Variants in ANKRD18B observed in about 807,000 individuals in gnomAD.
ANKRD18B encodes ankyrin repeat domain 18B, also known as ankyrin repeat domain-containing protein 18B.
A neutral mutation model predicts 111.8 loss-of-function variants in ANKRD18B; 75 were observed. The ratio of observed to expected loss-of-function variants is 0.67; its 90% CI spans 0.56 to 0.81. The LOEUF is 0.81. ANKRD18B is among the 40% of genes least tolerant of loss of function. ANKRD18B has a pLI of 0.00. For missense variants in ANKRD18B, 1,038 were observed against 1,225.5 expected (o/e 0.85, Z 2.28); for synonymous variants, 356 against 417.3 (o/e 0.85, Z 1.79).
chr9:33,541,032 T>A (rs1761409528), intron 8 of ANKRD18B, 115 bp from the exon 9 acceptor site: 1 of 1,299,026 alleles, frequency 7.7e-7, no homozygotes, highest in South Asian at 1.5e-5. Context: ...AGTGCAAGCT[T>A]CTAATGGGTA....
intron 12 of ANKRD18B, among the ~76,000 whole-genome samples, chr9:33,555,212 T>C (rs578102647): frequency 2.6e-5 from 4 of 152,156 alleles, no homozygotes; most frequent in Admixed American, 1.3e-4. Context: ...AGGGAAAAAC[T>C]GAAACCTACA....
intron 14 of ANKRD18B, among the ~76,000 whole-genome samples, chr9:33,561,442 T>C (rs1828604869): frequency 6.6e-6 from 1 of 152,230 alleles, no homozygotes; most frequent in Non-Finnish European, 1.5e-5. Flanking sequence ...TGTAAGTCCC[T>C]TATCAGATAT....
At chr9:33,552,874 C>T (rs1017790129) in intron 12 of ANKRD18B, among the ~76,000 whole-genome samples, 1 of 152,160 alleles carries the variant, frequency 6.6e-6, no homozygotes, top group Non-Finnish European at 1.5e-5. Context: ...CTTCTAAGTG[C>T]TTCACGTCAG....
At chr9:33,537,905 T>C (rs1280836830) in intron 6 of ANKRD18B, among the ~76,000 whole-genome samples, 1 of 152,212 alleles carries the variant, frequency 6.6e-6, no homozygotes, top group African/African-American at 2.4e-5. Context: ...GAAAAAAATA[T>C]ACTTAGTATT....
chr9:33,564,405 T>C (rs1329029522), intron 14 of ANKRD18B, among the ~76,000 whole-genome samples: 6 of 152,240 alleles, frequency 3.9e-5, no homozygotes, highest in Admixed American at 3.9e-4. Flanking sequence ...GAGTATTCCA[T>C]TGTGTATGTG....
intron 4 of ANKRD18B, 112 bp downstream of exon 4, chr9:33,533,657 G>A (rs1828148776): frequency 1.1e-5 from 15 of 1,412,368 alleles, no homozygotes; most frequent in Non-Finnish European, 1.4e-5. Context: ...ATAATTATTG[G>A]CATATAGTAA....
chr9:33,557,119 AT>A (rs1438136482), intron 13 of ANKRD18B, among the ~76,000 whole-genome samples: 2 of 152,060 alleles, frequency 1.3e-5, no homozygotes, highest in African/African-American at 4.8e-5. Context: ...TGTATCTTTC[AT>A]TTTGTTGACA....
At chr9:33,542,459 T>C (rs1475532787) in intron 9 of ANKRD18B, among the ~76,000 whole-genome samples, 1 of 151,504 alleles carries the variant, frequency 6.6e-6, no homozygotes, top group Middle Eastern at 3.2e-3. Context: ...CGAGACTCAC[T>C]GCAAACTGAA....
At position 33,555,721 on chromosome 9, in the gene ANKRD18B, A is replaced by G. The variant is rs770035920; in HGVS notation, c.2231A>G (p.His744Arg). The change falls in exon 13 of 19, where the codon CAT (histidine) becomes CGT (arginine). Residue 744 changes from histidine to arginine, a missense_variant. Coordinates refer to ENST00000684830, the MANE Select transcript of ANKRD18B (RefSeq NM_001393611.1). ...FQVEIQPEEK[H>R]EEFRKVFELI... Reference sequence around the variant, plus strand: ...CTTTTTTTCAAGCCTGAAGAAAAACATGAAGAATTCAGAAAAGTTTTTGAA... The same window carrying G: ...CTTTTTTTCAAGCCTGAAGAAAAACGTGAAGAATTCAGAAAAGTTTTTGAA... 2.8e-4 allele frequency: 400 copies of G among 1,414,168 alleles called. No homozygotes were observed. The highest frequency in any genetic ancestry group is 3.5e-4 in the Non-Finnish European group (375 of 1,083,164). The allele number at this position is 1,414,168 out of a possible 1,614,324, so 87.6% of individuals were successfully genotyped here. A position where few individuals can be genotyped will look rare whatever the true frequency, so the allele number is the denominator to read the frequency against.
intron 5 of ANKRD18B, among the ~76,000 whole-genome samples, chr9:33,535,009 C>T (rs1828175356): frequency 6.6e-6 from 1 of 151,986 alleles, no homozygotes; most frequent in African/African-American, 2.4e-5. Flanking sequence ...CCTGGGGCTA[C>T]CTCCTATGCC....
intron 14 of ANKRD18B, among the ~76,000 whole-genome samples, chr9:33,565,900 G>A (rs1282351571): frequency 2.6e-5 from 4 of 152,180 alleles, no homozygotes; most frequent in Admixed American, 2.0e-4. Context: ...AGGGAAGAGG[G>A]TTAGACACTT....
In ANKRD18B at chr9:33,560,778, G is replaced by A. The variant is rs1050655739; in HGVS notation, c.2460+2591G>A. 1.4e-4 allele frequency among the ~76,000 whole-genome samples: 22 copies of A among 152,048 alleles called. 1 individual carries two copies. In the East Asian group the frequency reaches 1.9e-3, roughly 13 times the overall value. On this transcript the variant is annotated intron_variant, in intron 14 of 18. Transcript: ENST00000684830. ...GTTCAAGAGCATCCTGGCCAACATG[G>A]TGAAACCCTGTCTCTACTAAAAATA...
intron 10 of ANKRD18B, among the ~76,000 whole-genome samples, chr9:33,543,940 T>A (rs1229344415): frequency 4.6e-5 from 7 of 152,220 alleles, no homozygotes; most frequent in Admixed American, 1.3e-4. Flanking sequence ...CCTATCTAGA[T>A]AACACTATCA....
intron 14 of ANKRD18B, among the ~76,000 whole-genome samples, chr9:33,565,725 A>G (rs1415462031): frequency 6.6e-6 from 1 of 152,224 alleles, no homozygotes; most frequent in East Asian, 1.9e-4. Flanking sequence ...TTTCTGCCAC[A>G]GCCTCCTAAA....
At chr9:33,541,030 C>T in intron 8 of ANKRD18B, 117 bp from the exon 9 acceptor site, 27 of 1,283,776 alleles carry the variant, frequency 2.1e-5, no homozygotes, top group Non-Finnish European at 2.8e-5. Context: ...TGAGTGCAAG[C>T]TTCTAATGGG....
At chr9:33,572,269 C>T in intron 18 of ANKRD18B, 47 bp from the exon 19 acceptor site, 1 of 1,450,194 alleles carries the variant, frequency 6.9e-7, no homozygotes, top group Non-Finnish European at 9.6e-7. Flanking sequence ...ACTTCGTTAA[C>T]TGAAATGTTT....
At chr9:33,543,947 A>G (rs568899633) in intron 10 of ANKRD18B, among the ~76,000 whole-genome samples, 1 of 152,222 alleles carries the variant, frequency 6.6e-6, no homozygotes, top group Non-Finnish European at 1.5e-5. Context: ...AGATAACACT[A>G]TCATATTACA....
chr9:33,541,319 T>G lies in ANKRD18B; in HGVS notation c.1078+92T>G, dbSNP rs548877928. On this transcript the variant is annotated intron_variant, in intron 9 of 18. Transcript: ENST00000684830. ...CGTAGTTAATGGTATAGTTTCCTTG[T>G]CACAAATCCATGGAGTACATCAGTC... 1.8e-4 allele frequency: 272 copies of G among 1,471,920 alleles called. No individual in the cohort carries two copies. The African/African-American group carries it at 3.2e-3, about 17-fold the overall frequency. The allele number at this position is 1,471,920 out of a possible 1,614,324, so 91.2% of individuals were successfully genotyped here.
At position 33,550,445 on chromosome 9, in the gene ANKRD18B, T is replaced by C. The variant is rs1828429698; in HGVS notation, c.2083T>C (p.Phe695Leu). ...KAEREVIVRE[F>L]QEELVDHLKK... ...ATTTTGTCAGGTGATTGTGAGAGAA[T>C]TTCAAGAAGAACTGGTCGATCATCT... Residue 695 changes from phenylalanine (F) to leucine (L), a missense_variant, in exon 12 of 19, where the codon TTT (phenylalanine) becomes CTT (leucine). Physicochemically the swap from Phe to Leu is conservative, Grantham distance 22. Transcript: ENST00000684830. 1 of 1,540,246 alleles carries C rather than the reference T, an allele frequency of 6.5e-7. No individual in the cohort carries two copies. Among genetic ancestry groups the C allele is most frequent in the Non-Finnish European group, 8.7e-7 (1 of 1,143,134 alleles).
Sources: allele counts gnomAD v4.1 joint callset (sites outside exome capture counted in the v4.1 genomes callset), GRCh38; gene constraint gnomAD v4.1.1; transcripts MANE v1.5; gene names NCBI Gene and HGNC (gene_info 2026-07-23, HGNC 2026-07-21).